The following VRTN variants were observed in gnomAD, a reference collection of about 807,000 sequenced individuals.
VRTN encodes vertnin.
Under a neutral mutation model 18.2 loss-of-function variants are expected in VRTN, and 5 were observed. The observed-to-expected ratio is 0.27, with a 90% CI of 0.14 to 0.58. VRTN has a LOEUF of 0.58. Among genes scored for constraint, VRTN ranks in the 20% least tolerant of loss-of-function variants. The pLI is 0.91. For synonymous variants in VRTN, 381 were observed against 393.7 expected (o/e 0.97, Z 0.38); for missense variants, 741 against 939.4 (o/e 0.79, Z 2.76).
rs1555411068 is a variant in VRTN at position 74,331,544 on chromosome 14, T to TATATATA, written c.-163-6179_-163-6178insATATATA. Among the ~76,000 whole-genome samples the TATATATA allele has an allele frequency of 1.8e-3, 80 of 43,436 alleles. 2 individuals carry two copies. The highest frequency in any genetic ancestry group is 3.0e-3 in the Non-Finnish European group (62 of 20,548). The allele number at this position is 43,436 out of a possible 152,430, so 28.5% of individuals were successfully genotyped here. A position where few individuals can be genotyped will look rare whatever the true frequency, so the allele number is the denominator to read the frequency against. On this transcript the variant is annotated intron_variant, in intron 1 of 2. Transcript: ENST00000557177. ...AACTCCATCTCAAAAAAAAAAAATT[T>TATATATA]TATATATATATATATATATATATAT... is the stretch of plus-strand genomic sequence containing the variant.
chr14:74,347,754 C>T (rs3759746), upstream of VRTN, among the ~76,000 whole-genome samples: 3 of 152,296 alleles, frequency 2.0e-5, no homozygotes, highest in East Asian at 3.9e-4. Context: ...GGGGAGGGAC[C>T]GAAGCTGCAG....
chr14:74,357,470 C>G lies in VRTN; in HGVS notation c.687C>G (p.Ser229Arg), dbSNP rs759246646. The change falls in exon 2 of 2, where the codon AGC becomes AGG. Residue 229 changes from serine to arginine, a missense_variant. Ser to Arg is a moderately radical substitution (Grantham distance 110, BLOSUM62 -1). Transcript: ENST00000256362. The surrounding 1 kb of genome is among the most constrained non-coding windows in gnomAD (Gnocchi z 7.8). ...HIMWAGQPLTSHFFRHQYFAP... is the reference protein window; with the variant it reads ...HIMWAGQPLTRHFFRHQYFAP... ...TGTGGGCTGGCCAGCCCCTCACCAG[C>G]CACTTCTTCCGCCACCAGTACTTTG... is the stretch of plus-strand genomic sequence containing the variant. 1 of 1,612,170 alleles carries G rather than the reference C, an allele frequency of 6.2e-7. No homozygotes were observed. The highest frequency in any genetic ancestry group is 8.5e-7 in the Non-Finnish European group (1 of 1,180,024).
Position 74,312,513 on chromosome 14 carries a change from T to C in VRTN, c.-164+9337T>C, listed in dbSNP as rs182463469. On this transcript the variant is annotated intron_variant, in intron 1 of 2. Coordinates refer to the VRTN transcript ENST00000557177. The stretch of plus-strand genomic sequence containing the variant: ...TAGTCCAGGCTGGAGTGCAGTGATG[T>C]AGTTTTGGTTCACTGCAGCCTCGAC... 2.6e-5 allele frequency among the ~76,000 whole-genome samples: 4 copies of C among 152,030 alleles called. No homozygotes were observed. The East Asian group carries it at 7.7e-4, about 29-fold the overall frequency.
intron 1 of VRTN, among the ~76,000 whole-genome samples, chr14:74,327,438 T>C (rs2085495137): frequency 6.6e-6 from 1 of 152,202 alleles, no homozygotes; most frequent in Non-Finnish European, 1.5e-5. Flanking sequence ...AGCCATCCTA[T>C]GATCCTGCCC....
chr14:74,330,202 G>A (rs2085512666), intron 1 of VRTN, among the ~76,000 whole-genome samples: 1 of 151,880 alleles, frequency 6.6e-6, no homozygotes, highest in African/African-American at 2.4e-5. Flanking sequence ...ATCTCCCCAG[G>A]TGTTTCCCAT....
At chr14:74,349,755 G>A (rs770790001) in intron 1 of VRTN, among the ~76,000 whole-genome samples, 14 of 152,188 alleles carry the variant, frequency 9.2e-5, no homozygotes, top group Admixed American at 2.6e-4. Context: ...GGGGAGCGGG[G>A]AGGCTGACCT....
chr14:74,348,227 C>T (rs1355458988), upstream of VRTN, among the ~76,000 whole-genome samples: 1 of 152,188 alleles, frequency 6.6e-6, no homozygotes, highest in Non-Finnish European at 1.5e-5. Context: ...TCCCTCCCCT[C>T]CCCCCAAACT....
At position 74,354,437 on chromosome 14, in the gene VRTN, G is replaced by A. The variant is rs925807141; in HGVS notation, c.-1-2346G>A. Among the ~76,000 whole-genome samples the A allele has an allele frequency of 6.7e-5, 10 of 149,700 alleles. No homozygotes were observed. The East Asian group carries it at 1.4e-3, about 21-fold the overall frequency. ...TTTTTTTTTTTTGAGATGGAGTCTCGCTCTGTCCCCAGGGTGGAGTGCAGT... is the reference window on the plus strand; with the variant it reads ...TTTTTTTTTTTTGAGATGGAGTCTCACTCTGTCCCCAGGGTGGAGTGCAGT... On this transcript the variant is annotated intron_variant, in intron 1 of 1. Transcript: ENST00000256362.
chr14:74,336,714 G>A (rs1287256242), intron 1 of VRTN, among the ~76,000 whole-genome samples: 1 of 150,402 alleles, frequency 6.6e-6, no homozygotes, highest in Non-Finnish European at 1.5e-5. Context: ...TGGAGGTTGC[G>A]GTCAGTTGAG....
intron 1 of VRTN, among the ~76,000 whole-genome samples, chr14:74,320,532 A>G (rs188095443): frequency 0.043 from 5,098 of 119,276 alleles, 140 homozygotes; most frequent in South Asian, 0.09. Flanking sequence ...AAAGTGCTGG[A>G]ATTACAGACT....
At chr14:74,320,973 G>A (rs2085452659) in intron 1 of VRTN, among the ~76,000 whole-genome samples, 1 of 150,044 alleles carries the variant, frequency 6.7e-6, no homozygotes, top group South Asian at 2.1e-4. Context: ...AAATGTTCCT[G>A]AAAGGCTGTG....
At chr14:74,320,249 CTTTTTTTTTTTT>C (rs71115982) in intron 1 of VRTN, among the ~76,000 whole-genome samples, 20 of 72,736 alleles carry the variant, frequency 2.7e-4, no homozygotes, top group East Asian at 1.4e-3. Context: ...GATCCCATCC[CTTTTTTTTTTTT>C]TTTTTTTTTT....
At chr14:74,312,119 C>A (rs914158669) in intron 1 of VRTN, among the ~76,000 whole-genome samples, 1 of 152,210 alleles carries the variant, frequency 6.6e-6, no homozygotes, top group South Asian at 2.1e-4. Context: ...AAGTTTGTGA[C>A]AAACCCATTG....
At chr14:74,339,258 G>A (rs1195811082) in intron 2 of VRTN, among the ~76,000 whole-genome samples, 1 of 152,118 alleles carries the variant, frequency 6.6e-6, no homozygotes, top group East Asian at 1.9e-4. Context: ...CTGTAAAGTA[G>A]ATATCACTCG....
intron 1 of VRTN, among the ~76,000 whole-genome samples, chr14:74,323,737 C>A (rs2085470341): frequency 6.6e-6 from 1 of 152,114 alleles, no homozygotes; most frequent in African/African-American, 2.4e-5. Context: ...CTCCCTAGTC[C>A]TCCCACTGGA....
chr14:74,355,660 G>A (rs2085721482), intron 1 of VRTN, among the ~76,000 whole-genome samples: 1 of 151,914 alleles, frequency 6.6e-6, no homozygotes, highest in Non-Finnish European at 1.5e-5. Flanking sequence ...TCAGCCTCCT[G>A]AGTAGCTGAG....
intron 1 of VRTN, among the ~76,000 whole-genome samples, chr14:74,310,666 T>A (rs2085382638): frequency 6.6e-6 from 1 of 150,986 alleles, no homozygotes; most frequent in East Asian, 2.0e-4. Flanking sequence ...GCCTCCCAAG[T>A]AGCTGGGACC....
Position 74,357,839 on chromosome 14 carries a change from T to A in VRTN, c.1056T>A (p.His352Gln). Residue 352 changes from histidine to glutamine, a missense_variant, in exon 2 of 2, where the codon CAT (histidine) becomes CAA (glutamine). Physicochemically the swap from His to Gln is conservative, Grantham distance 24 (BLOSUM62 0). Transcript: ENST00000256362. The surrounding 1 kb of genome is among the most constrained non-coding windows in gnomAD (Gnocchi z 7.8). ...ISRSTYYAWK[H>Q]ELLGSGTCPA... ...GCTCAACCTACTATGCCTGGAAGCA[T>A]GAGCTGCTGGGCTCTGGCACCTGCC... 1 of 1,613,436 alleles carries A rather than the reference T, an allele frequency of 6.2e-7. No individual in the cohort carries two copies.
At chr14:74,320,508 C>T (rs1448490809) in intron 1 of VRTN, among the ~76,000 whole-genome samples, 15 of 146,972 alleles carry the variant, frequency 1.0e-4, no homozygotes, top group African/African-American at 2.7e-4. Context: ...GTGATCCGCC[C>T]GCCTTGGCCT....
Sources: allele counts gnomAD v4.1 joint callset (sites outside exome capture counted in the v4.1 genomes callset), GRCh38; gene constraint gnomAD v4.1.1; non-coding constraint Gnocchi (gnomAD v3.1); transcripts MANE v1.5; gene names NCBI Gene and HGNC (gene_info 2026-07-23, HGNC 2026-07-21).